GALNTL6: variants seen among roughly 807,000 people sequenced by gnomAD.
GALNTL6 encodes polypeptide N-acetylgalactosaminyltransferase like 6.
In GALNTL6, 46 loss-of-function variants were observed where a neutral mutation model predicts 73.7. The ratio of observed to expected loss-of-function variants is 0.62; its 90% CI spans 0.49 to 0.80. The LOEUF (loss-of-function observed/expected upper bound fraction) is 0.80. Ranked by LOEUF, GALNTL6 falls within the 30% of genes least tolerant of loss-of-function variation. GALNTL6 has a pLI of 0.00. For missense variants in GALNTL6, 604 were observed against 755.0 expected (o/e 0.80, Z 2.34); for synonymous variants, 259 against 263.7 (o/e 0.98, Z 0.17).
At chr4:172,910,023 G>C (rs1030748225) in intron 8 of GALNTL6, among the ~76,000 whole-genome samples, 5 of 151,728 alleles carry the variant, frequency 3.3e-5, no homozygotes, top group Non-Finnish European at 5.9e-5. Context: ...AAAAGGCAAA[G>C]TATATAGAAC....
chr4:172,592,385 C>A (rs960282998), intron 5 of GALNTL6, among the ~76,000 whole-genome samples: 1 of 152,132 alleles, frequency 6.6e-6, no homozygotes, highest in African/African-American at 2.4e-5. Flanking sequence ...ATGACCCAAA[C>A]ATCTCCCACT....
intron 8 of GALNTL6, among the ~76,000 whole-genome samples, chr4:172,921,818 A>G (rs957487235): frequency 6.6e-6 from 1 of 152,102 alleles, no homozygotes; most frequent in Non-Finnish European, 1.5e-5. Flanking sequence ...AAAGCAAAGA[A>G]AAAATGCATG....
chr4:172,852,498 CCTTCCAGCAATAACT>C (rs1743883977), intron 7 of GALNTL6, among the ~76,000 whole-genome samples: 1 of 152,124 alleles, frequency 6.6e-6, no homozygotes, highest in African/African-American at 2.4e-5. Context: ...TGAGCAGCCA[CCTTCCAGCAATAACT>C]CTACACTGTG....
chr4:172,314,512 G>T (rs1203125958), intron 4 of GALNTL6, among the ~76,000 whole-genome samples: 1 of 147,730 alleles, frequency 6.8e-6, no homozygotes, highest in Non-Finnish European at 1.5e-5. Context: ...AAAAATCATG[G>T]TTTTATATGT....
At position 172,194,031 on chromosome 4, in the gene GALNTL6, A is replaced by G. The variant is rs187321658; in HGVS notation, c.139-35625A>G. On this transcript the variant is annotated intron_variant, in intron 2 of 12. Transcript: ENST00000506823. ...TAGGCTTCAGAAGGTGGGTAGTAAC[A>G]AACTTCTTTGAGCTACAGGAGTATG... Among the ~76,000 whole-genome samples the G allele has an allele frequency of 1.1e-3, 166 of 152,342 alleles. 2 individuals carry two copies. The highest frequency in any genetic ancestry group is 6.8e-3 in the Middle Eastern group (2 of 294).
At chr4:172,988,925 T>C (rs867167290) in intron 10 of GALNTL6, among the ~76,000 whole-genome samples, 55 of 152,216 alleles carry the variant, frequency 3.6e-4, no homozygotes, top group African/African-American at 1.3e-3. Context: ...AATGCCTGGA[T>C]GTCCAGGCAG....
chr4:172,044,266 G>T (rs564443473), intron 2 of GALNTL6, among the ~76,000 whole-genome samples: 1 of 151,892 alleles, frequency 6.6e-6, no homozygotes, highest in East Asian at 1.9e-4. Flanking sequence ...ATTGACTATT[G>T]TTATCCATTG....
At position 172,567,827 on chromosome 4, in the gene GALNTL6, G is replaced by C. The variant is rs143761477; in HGVS notation, c.553+219138G>C. Among the ~76,000 whole-genome samples, 9 of 152,162 alleles carry C rather than the reference G, an allele frequency of 5.9e-5. No homozygotes were observed. In the East Asian group the frequency reaches 1.7e-3, roughly 30 times the overall value. On this transcript the variant is annotated intron_variant, in intron 5 of 12. Transcript: ENST00000506823. ...CTCTAACCTGGGTGAGATAGTTGGA[G>C]ACTGTGTCTCAAAAAAAAAATTGTC...
chr4:172,844,462 C>T (rs1743382793), intron 7 of GALNTL6, among the ~76,000 whole-genome samples: 1 of 152,218 alleles, frequency 6.6e-6, no homozygotes, highest in African/African-American at 2.4e-5. Flanking sequence ...AAACTCAAAT[C>T]TTTTTCTTCC....
At chr4:171,963,352 G>A (rs763377988) in intron 2 of GALNTL6, among the ~76,000 whole-genome samples, 7 of 151,758 alleles carry the variant, frequency 4.6e-5, no homozygotes, top group Non-Finnish European at 8.8e-5. Flanking sequence ...ATTTATAGAA[G>A]GATTATAGAA....
chr4:173,001,521 A>G (rs527294663), intron 10 of GALNTL6, among the ~76,000 whole-genome samples: 1 of 152,350 alleles, frequency 6.6e-6, no homozygotes, highest in African/African-American at 2.4e-5. Context: ...GATAAATTGG[A>G]CTTCATGAAA....
intron 2 of GALNTL6, among the ~76,000 whole-genome samples, chr4:172,172,059 C>T (rs561680040): frequency 4.9e-4 from 74 of 152,246 alleles, no homozygotes; most frequent in African/African-American, 1.7e-3. Flanking sequence ...TGGTAAAGAC[C>T]TCAGAATCCC....
chr4:172,091,560 A>G (rs1290745979), intron 2 of GALNTL6, among the ~76,000 whole-genome samples: 1 of 152,134 alleles, frequency 6.6e-6, no homozygotes, highest in African/African-American at 2.4e-5. Context: ...TTTAACTTTA[A>G]TTTCCAAAGG....
chr4:172,032,101 A>G (rs1190393546), intron 2 of GALNTL6, among the ~76,000 whole-genome samples: 1 of 152,178 alleles, frequency 6.6e-6, no homozygotes, highest in Non-Finnish European at 1.5e-5. Context: ...TTGGGCAAGT[A>G]TAAGATACCT....
rs116734896 is a variant in GALNTL6, at chr4:172,777,529, T to C, written c.554-31832T>C. Among the ~76,000 whole-genome samples the C allele has an allele frequency of 4.7e-3, 714 of 152,360 alleles. 7 individuals are homozygous for C. Among genetic ancestry groups the C allele is most frequent in the African/African-American group, 0.016 (666 of 41,590 alleles). Reference sequence around the variant, plus strand: ...GTGAATTCACTGTGATCTTAACACATACCTCACAGAGTTGTTTGAAAGCTG... The same window carrying C: ...GTGAATTCACTGTGATCTTAACACACACCTCACAGAGTTGTTTGAAAGCTG... On this transcript the variant is annotated intron_variant, in intron 5 of 12. Coordinates refer to ENST00000506823, the MANE Select transcript of GALNTL6 (RefSeq NM_001034845.3).
At chr4:173,038,765 A>C (rs1267362396) in intron 12 of GALNTL6, among the ~76,000 whole-genome samples, 1 of 152,218 alleles carries the variant, frequency 6.6e-6, no homozygotes, top group Admixed American at 6.5e-5. Flanking sequence ...AGGACATTAA[A>C]TATTGGTTGA....
chr4:172,046,157 G>A lies in GALNTL6; in HGVS notation c.139-183499G>A, dbSNP rs76059023. On this transcript the variant is annotated intron_variant, in intron 2 of 12. Coordinates refer to ENST00000506823, the MANE Select transcript of GALNTL6 (RefSeq NM_001034845.3). The stretch of plus-strand genomic sequence containing the variant: ...TTTCAATCAATTGAATTGATTGATT[G>A]CATAATTGAGTTGATTCCACAACTT... Among the ~76,000 whole-genome samples, 1,495 of 152,062 alleles carry A rather than the reference G, an allele frequency of 9.8e-3. 20 individuals are homozygous for A. The highest frequency in any genetic ancestry group is 0.018 in the Non-Finnish European group (1,225 of 67,948).
chr4:172,412,233 T>C (rs1434520120), intron 5 of GALNTL6, among the ~76,000 whole-genome samples: 1 of 152,100 alleles, frequency 6.6e-6, no homozygotes, highest in Non-Finnish European at 1.5e-5. Flanking sequence ...TAATAGAGAC[T>C]GATTTGCCTT....
intron 5 of GALNTL6, among the ~76,000 whole-genome samples, chr4:172,608,940 G>A (rs532774134): frequency 1.3e-5 from 2 of 152,024 alleles, no homozygotes; most frequent in Admixed American, 6.6e-5. Flanking sequence ...TGTTGTTGGT[G>A]TATAGAAATG....
Sources: gnomAD v4.1 joint callset for allele counts (sites outside exome capture counted in the v4.1 genomes callset) on GRCh38, gnomAD v4.1.1 for gene constraint, MANE v1.5 for transcripts, NCBI Gene and HGNC (gene_info 2026-07-23, HGNC 2026-07-21) for gene names.